Variants in CDH2 observed in about 807,000 individuals in gnomAD.
CDH2 encodes cadherin-2.
In CDH2, 17 loss-of-function variants were observed where a neutral mutation model predicts 92.0. The ratio of observed to expected loss-of-function variants is 0.18; its 90% CI spans 0.13 to 0.28. The LOEUF is 0.28. Ranked by LOEUF, CDH2 falls within the 10% of genes least tolerant of loss-of-function variation. The pLI, the probability that CDH2 is intolerant of heterozygous loss-of-function variation, is 1.00. For synonymous variants in CDH2, 419 were observed against 415.9 expected, an observed-to-expected ratio of 1.01 and a Z score of -0.09; for missense variants, 862 against 1,133.1, an observed-to-expected ratio of 0.76 and a Z score of 3.44.
At chr18:28,063,890 T>G (rs1253840165) in intron 2 of CDH2, among the ~76,000 whole-genome samples, 1 of 152,232 alleles carries the variant, frequency 6.6e-6, no homozygotes, top group Admixed American at 6.5e-5. Context: ...TTGGCTACTG[T>G]CTATATTCTG....
At chr18:28,173,387 CTCT>C (rs889906360) in intron 1 of CDH2, among the ~76,000 whole-genome samples, 11 of 152,206 alleles carry the variant, frequency 7.2e-5, no homozygotes, top group Admixed American at 3.9e-4. Flanking sequence ...ACCAAGTTAA[CTCT>C]TCTTATTTTC....
chr18:27,997,813 CT>C (rs1272480506), intron 7 of CDH2, among the ~76,000 whole-genome samples: 1,578 of 146,532 alleles, frequency 0.011, 40 homozygotes, highest in African/African-American at 0.037. Context: ...TGTTCAAATT[CT>C]TTTTTTTTTT....
chr18:27,959,861 G>A (rs2011351689), intron 15 of CDH2, among the ~76,000 whole-genome samples: 1 of 151,966 alleles, frequency 6.6e-6, no homozygotes, highest in Non-Finnish European at 1.5e-5. Flanking sequence ...TCGAATTCAT[G>A]GATTTAGGCC....
chr18:27,960,173 C>G (rs562498524), intron 15 of CDH2, among the ~76,000 whole-genome samples: 2 of 152,242 alleles, frequency 1.3e-5, no homozygotes, highest in Non-Finnish European at 2.9e-5. Context: ...AAGCCTGTCT[C>G]CCCTCCCCTG....
intron 2 of CDH2, among the ~76,000 whole-genome samples, chr18:28,094,895 A>ATGGGCCAGGCCAATT (rs1470466984): frequency 1.3e-5 from 2 of 151,594 alleles, no homozygotes; most frequent in East Asian, 3.9e-4. Flanking sequence ...CAAGGATTCA[A>ATGGGCCAGGCCAATT]TGGGCCAGGC....
chr18:28,080,188 C>A (rs1418469309), intron 2 of CDH2, among the ~76,000 whole-genome samples: 1 of 152,056 alleles, frequency 6.6e-6, no homozygotes, highest in African/African-American at 2.4e-5. Flanking sequence ...GCTTTAAGGG[C>A]AAAGAGAGAA....
intron 14 of CDH2, among the ~76,000 whole-genome samples, chr18:27,967,339 T>C (rs943793895): frequency 6.6e-6 from 1 of 152,178 alleles, no homozygotes; most frequent in African/African-American, 2.4e-5. Context: ...TTAGACCTTT[T>C]GATAAAAAAC....
intron 1 of CDH2, among the ~76,000 whole-genome samples, chr18:28,160,293 A>C (rs1055758623): frequency 6.6e-6 from 1 of 152,082 alleles, no homozygotes; most frequent in Admixed American, 6.5e-5. Flanking sequence ...TCTGGGTGAA[A>C]GCTGCCGCAA....
chr18:28,162,298 A>C (rs1447181535), intron 1 of CDH2, among the ~76,000 whole-genome samples: 1 of 152,172 alleles, frequency 6.6e-6, no homozygotes, highest in African/African-American at 2.4e-5. Context: ...AGTCTGAGGC[A>C]CTCAACCAAG....
intron 11 of CDH2, 66 bp from the exon 12 acceptor site, chr18:27,985,827 AAATT>A: frequency 1.1e-6 from 1 of 933,164 alleles, no homozygotes; most frequent in South Asian, 1.6e-5. Flanking sequence ...AATTATGGTG[AAATT>A]CTCAAAGCTT....
intron 2 of CDH2, among the ~76,000 whole-genome samples, chr18:28,093,048 G>A (rs78187701): frequency 6.6e-6 from 1 of 152,060 alleles, no homozygotes; most frequent in Non-Finnish European, 1.5e-5. Context: ...GCAACAGAGC[G>A]GTTGGACATT....
intron 7 of CDH2, among the ~76,000 whole-genome samples, chr18:27,994,018 A>T (rs1239968245): frequency 6.6e-6 from 1 of 152,212 alleles, no homozygotes; most frequent in Non-Finnish European, 1.5e-5. Flanking sequence ...CCAGTTTAGG[A>T]TACTAAAAAC....
At chr18:27,938,324 A>C (rs1321027781) in intron 6 of CDH2, among the ~76,000 whole-genome samples, 1 of 152,218 alleles carries the variant, frequency 6.6e-6, no homozygotes. Context: ...GCAATGTGAG[A>C]ATGGGCTTAT....
intron 14 of CDH2, among the ~76,000 whole-genome samples, chr18:27,972,822 T>C (rs1338220904): frequency 6.6e-6 from 1 of 151,788 alleles, no homozygotes; most frequent in Admixed American, 6.6e-5. Flanking sequence ...GGACCAAGAG[T>C]GGACATAAAA....
At chr18:27,971,558 G>A (rs935981326) in intron 14 of CDH2, among the ~76,000 whole-genome samples, 3 of 152,118 alleles carry the variant, frequency 2.0e-5, no homozygotes, top group Non-Finnish European at 4.4e-5. Context: ...ATAACTGGGA[G>A]GGGATGGGCA....
Position 28,177,065 on chromosome 18 carries a change from G to GCGA in CDH2, c.-44_-43insTCG, listed in dbSNP as rs1378061109. 7.5e-7 allele frequency: 1 copy of GCGA among 1,340,078 alleles called. No homozygotes were observed. Among genetic ancestry groups the GCGA allele is most frequent in the Admixed American group, 2.2e-5 (1 of 45,512 alleles). The allele number at this position is 1,340,078 out of a possible 1,614,324, so 83.0% of individuals were successfully genotyped here. A position where few individuals can be genotyped will look rare whatever the true frequency, so the allele number is the denominator to read the frequency against. Reference sequence around the variant, plus strand: ...GAGCGAAGAGCCGGAGGAGGCGGCGGCGGCGGCGGCGGCGGCGGAGGAGGA... The same window carrying GCGA: ...GAGCGAAGAGCCGGAGGAGGCGGCGGCGACGGCGGCGGCGGCGGCGGAGGAGGA... On this transcript the variant is annotated 5_prime_UTR_variant, in exon 1 of 16. Coordinates refer to ENST00000269141, the MANE Select transcript of CDH2 (RefSeq NM_001792.5).
chr18:28,158,021 C>A (rs1387653592), intron 1 of CDH2, among the ~76,000 whole-genome samples: 1 of 152,158 alleles, frequency 6.6e-6, no homozygotes, highest in Non-Finnish European at 1.5e-5. Context: ...CCCCTGTATT[C>A]ATGTACAATT....
chr18:28,050,405 A>G (rs1430025559), intron 2 of CDH2, among the ~76,000 whole-genome samples: 2 of 152,168 alleles, frequency 1.3e-5, no homozygotes, highest in Non-Finnish European at 2.9e-5. Context: ...GCTGCCATTT[A>G]ATAAATACTA....
rs189906513 is a variant in CDH2 at position 28,079,062 on chromosome 18, A to T, written c.173-65153T>A. Reference sequence around the variant, plus strand: ...CATTTAACTCTGTACCTAGCAACTTAGTAAATCCTCAGCAAATATTTGCTC... The same window carrying T: ...CATTTAACTCTGTACCTAGCAACTTTGTAAATCCTCAGCAAATATTTGCTC... On this transcript the variant is annotated intron_variant, in intron 2 of 15. Coordinates refer to ENST00000269141, the MANE Select transcript of CDH2 (RefSeq NM_001792.5). Among the ~76,000 whole-genome samples, 97 of 152,336 alleles carry T rather than the reference A, an allele frequency of 6.4e-4. 1 individual carries two copies. Among genetic ancestry groups the T allele is most frequent in the Admixed American group, 1.8e-3 (28 of 15,306 alleles).
Sources: gnomAD v4.1 joint callset for allele counts (sites outside exome capture counted in the v4.1 genomes callset) on GRCh38, gnomAD v4.1.1 for gene constraint, MANE v1.5 for transcripts, NCBI Gene and HGNC (gene_info 2026-07-23, HGNC 2026-07-21) for gene names.